Variants in NTM observed in about 807,000 individuals in gnomAD.
The protein encoded by NTM is neurotrimin, also known as IgLON family member 2.
In NTM, 13 loss-of-function variants were observed where a neutral mutation model predicts 42.1. The observed-to-expected ratio is 0.31, with a 90% CI of 0.20 to 0.49. The LOEUF is 0.49. Among genes scored for constraint, NTM ranks in the 20% least tolerant of loss-of-function variants. The pLI is 0.99. For synonymous variants in NTM, 187 were observed against 179.2 expected (o/e 1.04, Z -0.35); for missense variants, 373 against 452.8 (o/e 0.82, Z 1.60).
chr11:132,015,287 T>A (rs1443930857), intron 2 of NTM, among the ~76,000 whole-genome samples: 2 of 152,074 alleles, frequency 1.3e-5, no homozygotes, highest in African/African-American at 4.8e-5. Context: ...CTGTTTTTGT[T>A]ACTATAGCCT....
At position 131,990,735 on chromosome 11, in the gene NTM, G is replaced by C. The variant is rs74585290; in HGVS notation, c.167+79087G>C. ...AGATACACAGTTTTTATAAAAGCTT[G>C]CAAGTGCAAAATTTGCTATCAAGCC... On this transcript the variant is annotated intron_variant, in intron 2 of 8. Coordinates refer to ENST00000683400, the MANE Select transcript of NTM (RefSeq NM_001352005.2). Among the ~76,000 whole-genome samples, 453 of 152,282 alleles carry C rather than the reference G, an allele frequency of 3.0e-3. 4 individuals carry two copies. The highest frequency in any genetic ancestry group is 0.01 in the African/African-American group (432 of 41,566).
intron 2 of NTM, among the ~76,000 whole-genome samples, chr11:132,113,878 C>T (rs958740027): frequency 3.3e-5 from 5 of 152,174 alleles, no homozygotes; most frequent in Non-Finnish European, 5.9e-5. Flanking sequence ...CAGAAGTCAA[C>T]ATCAGGCCCT....
At chr11:131,648,746 C>G (rs1156544661) in intron 1 of NTM, among the ~76,000 whole-genome samples, 1 of 152,160 alleles carries the variant, frequency 6.6e-6, no homozygotes. Flanking sequence ...GAGGCAGTAA[C>G]AGTGAGTAGA....
At chr11:131,698,470 C>T (rs2075720124) in intron 1 of NTM, among the ~76,000 whole-genome samples, 1 of 152,132 alleles carries the variant, frequency 6.6e-6, no homozygotes, top group South Asian at 2.1e-4. Context: ...CCATGAATGC[C>T]TCATTTCACC....
chr11:132,047,161 T>C (rs1594097495), intron 2 of NTM, among the ~76,000 whole-genome samples: 2 of 152,350 alleles, frequency 1.3e-5, no homozygotes, highest in African/African-American at 2.4e-5. Context: ...TGTGCCCCCA[T>C]GGGCTGGGAT....
chr11:131,802,945 T>C (rs2092248027), intron 1 of NTM, among the ~76,000 whole-genome samples: 2 of 152,186 alleles, frequency 1.3e-5, no homozygotes, highest in Non-Finnish European at 2.9e-5. Context: ...GGGTTGTGGA[T>C]GTGTTTGTGA....
At chr11:131,865,494 A>G (rs188028018) in intron 1 of NTM, among the ~76,000 whole-genome samples, 2 of 152,232 alleles carry the variant, frequency 1.3e-5, no homozygotes, top group Non-Finnish European at 2.9e-5. Flanking sequence ...TGTGCTCTGC[A>G]CTTGATAGCT....
intron 1 of NTM, among the ~76,000 whole-genome samples, chr11:131,442,289 C>T (rs1949684469): frequency 6.6e-6 from 1 of 152,158 alleles, no homozygotes; most frequent in South Asian, 2.1e-4. Flanking sequence ...TTTATTATAG[C>T]AATTGTGTGA....
chr11:132,325,788 C>G (rs1345218555), intron 7 of NTM, among the ~76,000 whole-genome samples: 1 of 152,158 alleles, frequency 6.6e-6, no homozygotes, highest in Non-Finnish European at 1.5e-5. Flanking sequence ...CAACAATAGA[C>G]TGGATTAAGA....
chr11:132,281,407 G>A (rs1313847101), intron 4 of NTM, among the ~76,000 whole-genome samples: 4 of 152,156 alleles, frequency 2.6e-5, no homozygotes, highest in African/African-American at 9.7e-5. Context: ...GTGTGCCTCC[G>A]AAAGAGTTCA....
intron 3 of NTM, among the ~76,000 whole-genome samples, chr11:132,198,760 G>C (rs1029268712): frequency 1.3e-5 from 2 of 152,208 alleles, no homozygotes; most frequent in African/African-American, 4.8e-5. Flanking sequence ...AGCATAATTA[G>C]AGAGAAGACT....
intron 1 of NTM, among the ~76,000 whole-genome samples, chr11:131,864,029 G>A (rs1438351396): frequency 6.6e-6 from 1 of 152,106 alleles, no homozygotes; most frequent in Non-Finnish European, 1.5e-5. Context: ...TGCATGGAGT[G>A]CCCAGCATAA....
intron 2 of NTM, among the ~76,000 whole-genome samples, chr11:132,054,500 A>G (rs1446092309): frequency 6.6e-6 from 1 of 152,264 alleles, no homozygotes; most frequent in African/African-American, 2.4e-5. Flanking sequence ...TTTAATGTGA[A>G]ATCCTTCTTC....
At chr11:132,162,763 T>G (rs2074596532) in intron 3 of NTM, among the ~76,000 whole-genome samples, 1 of 128,314 alleles carries the variant, frequency 7.8e-6, no homozygotes, top group Admixed American at 8.2e-5. Flanking sequence ...GTGTGGGACA[T>G]GTGTGTGTTT....
intron 2 of NTM, among the ~76,000 whole-genome samples, chr11:132,130,216 A>G (rs1253475798): frequency 6.6e-6 from 1 of 152,156 alleles, no homozygotes; most frequent in African/African-American, 2.4e-5. Flanking sequence ...TAGAAATCAG[A>G]TGAGTAGCGG....
At chr11:132,223,050 C>T (rs2138889207) in intron 4 of NTM, among the ~76,000 whole-genome samples, 1 of 152,304 alleles carries the variant, frequency 6.6e-6, no homozygotes, top group African/African-American at 2.4e-5. Context: ...TCGACACACA[C>T]CAGTCCAGAA....
chr11:131,470,444 C>T (rs1251481406), intron 1 of NTM, among the ~76,000 whole-genome samples: 1 of 152,194 alleles, frequency 6.6e-6, no homozygotes, highest in African/African-American at 2.4e-5. Flanking sequence ...CAACATTTAC[C>T]AGCTTTCCTT....
intron 1 of NTM, among the ~76,000 whole-genome samples, chr11:131,775,689 G>A (rs2086849850): frequency 6.6e-6 from 1 of 152,096 alleles, no homozygotes; most frequent in Admixed American, 6.5e-5. Context: ...CTGTAGCTCT[G>A]TCTGACTTAG....
intron 2 of NTM, among the ~76,000 whole-genome samples, chr11:131,996,853 A>G (rs958121704): frequency 2.0e-5 from 3 of 152,094 alleles, no homozygotes; most frequent in Non-Finnish European, 4.4e-5. Flanking sequence ...TGCATTCTGA[A>G]GCATCTCCTT....
Sources: allele counts gnomAD v4.1 joint callset (sites outside exome capture counted in the v4.1 genomes callset), GRCh38; gene constraint gnomAD v4.1.1; transcripts MANE v1.5; gene names NCBI Gene and HGNC (gene_info 2026-07-23, HGNC 2026-07-21).